The following LAMA2 variants were observed in gnomAD, a reference collection of about 807,000 sequenced individuals.
LAMA2 encodes laminin subunit alpha 2.
In LAMA2, 269 loss-of-function variants were observed where a neutral mutation model predicts 364.8. That is an observed-to-expected ratio of 0.74 (90% CI 0.67 to 0.82). The LOEUF (loss-of-function observed/expected upper bound fraction) is 0.82, where lower values mean the gene tolerates loss of function less well. Ranked by LOEUF, LAMA2 falls within the 40% of genes least tolerant of loss-of-function variation. The probability of loss-of-function intolerance (pLI) is 0.00; values close to 1 mark genes in which losing one functional copy is unlikely to be tolerated. For synonymous variants in LAMA2, 1,379 were observed against 1,370.6 expected (o/e 1.01, Z -0.14); for missense variants, 3,807 against 3,873.2 (o/e 0.98, Z 0.45).
Position 129,507,554 on chromosome 6 carries a change from A to G in LAMA2, c.8769A>G (p.Glu2923=), listed in dbSNP as rs1269286710. The stretch of plus-strand genomic sequence containing the variant: ...TGGCAGAGGCCCCTGCCGATCTGGA[A>G]CAACCCACCTCCAGCTTCCATGTTG... ...LHMAEAPADL[E]QPTSSFHVGT... Residue 2923 remains glutamate (E), a synonymous_variant, in exon 62 of 65, where the codon GAA becomes GAG. Transcript: ENST00000421865. 1.2e-6 allele frequency: 2 copies of G among 1,614,192 alleles called. No homozygotes were observed. Among genetic ancestry groups the G allele is most frequent in the East Asian group, 2.2e-5 (1 of 44,872 alleles).
At chr6:129,139,746 T>C (rs1778005751) in intron 4 of LAMA2, among the ~76,000 whole-genome samples, 2 of 152,108 alleles carry the variant, frequency 1.3e-5, no homozygotes, top group Admixed American at 6.6e-5. Flanking sequence ...CCCAGATGTC[T>C]CAGCCACTCA....
intron 1 of LAMA2, among the ~76,000 whole-genome samples, chr6:128,961,535 T>C (rs1582777119): frequency 2.0e-5 from 3 of 149,656 alleles, no homozygotes; most frequent in African/African-American, 5.0e-5. Flanking sequence ...ACTGAAGAAC[T>C]TGGAGTCTGA....
At chr6:129,136,941 T>A (rs561775023) in intron 4 of LAMA2, among the ~76,000 whole-genome samples, 1 of 152,274 alleles carries the variant, frequency 6.6e-6, no homozygotes, top group Non-Finnish European at 1.5e-5. Flanking sequence ...TCCATTCAGT[T>A]ATTATGGGTT....
At chr6:129,370,501 G>C (rs1355402964) in intron 34 of LAMA2, among the ~76,000 whole-genome samples, 1 of 152,162 alleles carries the variant, frequency 6.6e-6, no homozygotes, top group Non-Finnish European at 1.5e-5. Flanking sequence ...CATTTATCAG[G>C]CTTTTTAAAG....
intron 1 of LAMA2, among the ~76,000 whole-genome samples, chr6:128,949,750 CTT>C (rs1257427344): frequency 3.9e-5 from 6 of 152,182 alleles, no homozygotes; most frequent in African/African-American, 1.4e-4. Flanking sequence ...TCTTTTGTAA[CTT>C]ATTTTAGAGT....
In LAMA2 at chr6:129,349,282, T is replaced by C; in HGVS notation, c.4437-16T>C. On this transcript the variant is annotated splice_polypyrimidine_tract_variant and intron_variant, in intron 30 of 64. Coordinates refer to ENST00000421865, the MANE Select transcript of LAMA2 (RefSeq NM_000426.4). ...TGGATTAAACTTTTTTTGCAATCCTTTTCTTTCTGATTCAGTTTCAGCCCC... is the reference window on the plus strand; with the variant it reads ...TGGATTAAACTTTTTTTGCAATCCTCTTCTTTCTGATTCAGTTTCAGCCCC... 1 of 1,608,964 alleles carries C rather than the reference T, an allele frequency of 6.2e-7. No individual in the cohort carries two copies. Among genetic ancestry groups the C allele is most frequent in the Non-Finnish European group, 8.5e-7 (1 of 1,175,500 alleles).
chr6:129,381,374 G>T (rs113023141), intron 34 of LAMA2, among the ~76,000 whole-genome samples: 1 of 151,250 alleles, frequency 6.6e-6, no homozygotes, highest in Non-Finnish European at 1.5e-5. Context: ...ACAGAGGCTC[G>T]CTCTGTCGCC....
intron 7 of LAMA2, among the ~76,000 whole-genome samples, chr6:129,149,497 G>A (rs1012721075): frequency 6.6e-6 from 1 of 152,058 alleles, no homozygotes; most frequent in Non-Finnish European, 1.5e-5. Context: ...AGCTCACTAA[G>A]TATATATGGC....
rs1466207194 is a variant in LAMA2, at chr6:128,883,263, G to C, written c.18G>C (p.Gly6=). Residue 6 remains glycine, a synonymous_variant, in exon 1 of 65, where the codon GGG becomes GGC. Transcript: ENST00000421865. Reference sequence around the variant, plus strand: ...CCACTACGATGCCGGGAGCCGCCGGGGTCCTCCTCCTTCTGCTGCTCTCCG... The same window carrying C: ...CCACTACGATGCCGGGAGCCGCCGGCGTCCTCCTCCTTCTGCTGCTCTCCG... MPGAA[G]VLLLLLLSGG... 4 of 1,558,808 alleles carry C rather than the reference G, an allele frequency of 2.6e-6. No homozygotes were observed. Among genetic ancestry groups the C allele is most frequent in the Non-Finnish European group, 3.5e-6 (4 of 1,151,786 alleles).
intron 1 of LAMA2, among the ~76,000 whole-genome samples, chr6:128,994,271 G>C (rs1783788986): frequency 1.3e-5 from 2 of 152,206 alleles, no homozygotes; most frequent in Non-Finnish European, 2.9e-5. Flanking sequence ...TTTACAGCTA[G>C]CTAGACAGTG....
At chr6:129,066,610 G>T (rs928999887) in intron 3 of LAMA2, among the ~76,000 whole-genome samples, 1 of 12,564 alleles carries the variant, frequency 8.0e-5, no homozygotes, top group Non-Finnish European at 2.3e-4. Context: ...AACCACAAAA[G>T]GTGCTAAAGC....
intron 1 of LAMA2, among the ~76,000 whole-genome samples, chr6:128,921,962 G>GT (rs1207870990): frequency 1.3e-5 from 2 of 149,264 alleles, no homozygotes; most frequent in Admixed American, 6.8e-5. Context: ...GCGGTGTTTG[G>GT]TTTTTTGTCC....
intron 58 of LAMA2, among the ~76,000 whole-genome samples, chr6:129,495,151 G>T (rs1785094175): frequency 6.6e-6 from 1 of 152,174 alleles, no homozygotes; most frequent in African/African-American, 2.4e-5. Flanking sequence ...GGCTCGAGTT[G>T]TTAGAAAGCC....
intron 1 of LAMA2, among the ~76,000 whole-genome samples, chr6:128,883,735 T>G (rs1443270841): frequency 6.6e-6 from 1 of 151,676 alleles, no homozygotes; most frequent in African/African-American, 2.4e-5. Context: ...TCCCAAGCTG[T>G]GTGGTTCATC....
rs142445491 is a variant in LAMA2 at position 129,503,118 on chromosome 6, C to T, written c.8385C>T (p.Thr2795=). The change falls in exon 60 of 65, where the codon ACC becomes ACT. Residue 2795 remains threonine (T), a synonymous_variant. Transcript: ENST00000421865. ...TCACAATTGAGTTGGAAGTAAGAACCGAAGCTGAATCCGGCTTGCTTTTTT... is the reference window on the plus strand; with the variant it reads ...TCACAATTGAGTTGGAAGTAAGAACTGAAGCTGAATCCGGCTTGCTTTTTT... ...NRLTIELEVR[T]EAESGLLFYM... 35 of 1,613,974 alleles carry T rather than the reference C, an allele frequency of 2.2e-5. No homozygotes were observed. Among genetic ancestry groups the T allele is most frequent in the South Asian group, 8.8e-5 (8 of 91,088 alleles).
At chr6:128,963,352 T>C (rs1017141909) in intron 1 of LAMA2, among the ~76,000 whole-genome samples, 18 of 152,136 alleles carry the variant, frequency 1.2e-4, no homozygotes, top group Admixed American at 9.2e-4. Flanking sequence ...TGAAAATGTA[T>C]GTAGAAAATG....
At chr6:129,432,305 C>G (rs545496667) in intron 41 of LAMA2, among the ~76,000 whole-genome samples, 1 of 152,062 alleles carries the variant, frequency 6.6e-6, no homozygotes, top group Non-Finnish European at 1.5e-5. Flanking sequence ...AGAGAAAAAA[C>G]AATAAGTGGC....
chr6:129,175,418 C>A (rs2115012537), intron 9 of LAMA2, among the ~76,000 whole-genome samples: 1 of 152,266 alleles, frequency 6.6e-6, no homozygotes, highest in Non-Finnish European at 1.5e-5. Flanking sequence ...ATAATGACTA[C>A]CATAAGATAA....
In LAMA2 at chr6:129,162,899, G is replaced by T. The variant is rs532311025; in HGVS notation, c.1207-2677G>T. On this transcript the variant is annotated intron_variant, in intron 8 of 64. Coordinates refer to ENST00000421865, the MANE Select transcript of LAMA2 (RefSeq NM_000426.4). ...AGAATGAAGAGAACTAGGAGGGGGG[G>T]GAAGAAGAGGAGGAAGAATGAAGAG... Among the ~76,000 whole-genome samples, 539 of 151,760 alleles carry T rather than the reference G, an allele frequency of 3.6e-3. 3 individuals are homozygous for T. Among genetic ancestry groups the T allele is most frequent in the Middle Eastern group, 6.8e-3 (2 of 292 alleles).
Sources: gnomAD v4.1 joint callset for allele counts (sites outside exome capture counted in the v4.1 genomes callset) on GRCh38, gnomAD v4.1.1 for gene constraint, MANE v1.5 for transcripts, NCBI Gene and HGNC (gene_info 2026-07-23, HGNC 2026-07-21) for gene names.